SEMA5A: variants seen among roughly 807,000 people sequenced by gnomAD.
SEMA5A encodes the protein semaphorin-5A.
Under a neutral mutation model 135.5 loss-of-function variants are expected in SEMA5A, and 55 were observed. The observed-to-expected ratio is 0.41, with a 90% CI of 0.33 to 0.51. The LOEUF (loss-of-function observed/expected upper bound fraction) is 0.51, where lower values mean the gene tolerates loss of function less well. Ranked by LOEUF, SEMA5A falls within the 20% of genes least tolerant of loss-of-function variation. The probability of loss-of-function intolerance (pLI) is 0.37; values close to 1 mark genes in which losing one functional copy is unlikely to be tolerated. For missense variants in SEMA5A, 1,290 were observed against 1,419.9 expected, an observed-to-expected ratio of 0.91 and a Z score of 1.47; for synonymous variants, 580 against 546.5, an observed-to-expected ratio of 1.06 and a Z score of -0.85.
intron 10 of SEMA5A, among the ~76,000 whole-genome samples, chr5:9,194,361 G>A (rs1035391078): frequency 1.3e-5 from 2 of 152,140 alleles, no homozygotes; most frequent in Non-Finnish European, 2.9e-5. Flanking sequence ...ATCCAATTCT[G>A]CTTTCTGCTT....
In SEMA5A at chr5:9,318,394, A is replaced by G. The variant is rs746290525; in HGVS notation, c.248T>C (p.Leu83Pro). 6.2e-7 allele frequency: 1 copy of G among 1,612,778 alleles called. No individual in the cohort carries two copies. ...TACCTGGATAAGAGACAGATCCTCA[A>G]GCTGTAACCTGAAGAGGTAGTTTCT... ...GARNYLFRLQ[L>P]EDLSLIQAVE... The change falls in exon 5 of 23, where the codon CTT becomes CCT. Residue 83 changes from leucine to proline, a missense_variant. Physicochemically the swap from Leu to Pro is moderately conservative, Grantham distance 98 (BLOSUM62 -3). Coordinates refer to ENST00000382496, the MANE Select transcript of SEMA5A (RefSeq NM_003966.3).
intron 13 of SEMA5A, among the ~76,000 whole-genome samples, chr5:9,128,870 T>A (rs537730674): frequency 3.0e-4 from 45 of 152,240 alleles, no homozygotes; most frequent in African/African-American, 9.9e-4. Context: ...GCCATGTGCA[T>A]AACAGGATGT....
chr5:9,309,203 C>T (rs779491498), intron 5 of SEMA5A, among the ~76,000 whole-genome samples: 5 of 152,070 alleles, frequency 3.3e-5, no homozygotes, highest in Non-Finnish European at 7.4e-5. Flanking sequence ...AAGTGGCTTG[C>T]TCAAAGTATT....
intron 15 of SEMA5A, among the ~76,000 whole-genome samples, chr5:9,116,787 G>A (rs922034370): frequency 2.6e-5 from 4 of 152,082 alleles, no homozygotes; most frequent in African/African-American, 9.7e-5. Flanking sequence ...CTTCAATCTT[G>A]AGCTTAGTCC....
At chr5:9,460,303 A>G (rs1759006814) in intron 1 of SEMA5A, among the ~76,000 whole-genome samples, 1 of 152,220 alleles carries the variant, frequency 6.6e-6, no homozygotes, top group Admixed American at 6.5e-5. Context: ...TCACAGAAAT[A>G]CATTTAATAT....
intron 3 of SEMA5A, among the ~76,000 whole-genome samples, chr5:9,372,301 C>T (rs1371360714): frequency 6.6e-6 from 1 of 152,214 alleles, no homozygotes; most frequent in African/African-American, 2.4e-5. Context: ...CAGCCAAATC[C>T]CAGAGAAGAA....
intron 4 of SEMA5A, among the ~76,000 whole-genome samples, chr5:9,328,800 G>A (rs1269985521): frequency 6.6e-6 from 1 of 152,096 alleles, no homozygotes; most frequent in African/African-American, 2.4e-5. Context: ...AAAGATTCTG[G>A]CATTACTTCC....
intron 5 of SEMA5A, among the ~76,000 whole-genome samples, chr5:9,284,319 A>T (rs1750689336): frequency 6.6e-6 from 1 of 152,238 alleles, no homozygotes; most frequent in African/African-American, 2.4e-5. Flanking sequence ...ACTATAAAAC[A>T]GTAGCTAATA....
chr5:9,379,688 C>T, intron 3 of SEMA5A, 135 bp downstream of exon 3: 2 of 1,114,088 alleles, frequency 1.8e-6, no homozygotes, highest in East Asian at 2.5e-5. Context: ...GTAGTTTTAC[C>T]TTTATTTTAA....
chr5:9,180,660 G>A (rs987240831), intron 11 of SEMA5A, among the ~76,000 whole-genome samples: 2 of 152,128 alleles, frequency 1.3e-5, no homozygotes, highest in Admixed American at 6.5e-5. Flanking sequence ...ACCCAGAAGG[G>A]TATCCTTGGG....
intron 14 of SEMA5A, among the ~76,000 whole-genome samples, chr5:9,121,094 A>C (rs1194111882): frequency 2.0e-5 from 3 of 152,170 alleles, no homozygotes. Context: ...GTGGAATTTT[A>C]TGACATATTC....
At chr5:9,329,476 G>C (rs993404242) in intron 4 of SEMA5A, among the ~76,000 whole-genome samples, 16 of 152,240 alleles carry the variant, frequency 1.1e-4, no homozygotes, top group African/African-American at 3.6e-4. Flanking sequence ...ATCAGGTAGA[G>C]AAGATGCTTC....
Position 9,374,621 on chromosome 5 carries a change from TCGTGTG to T in SEMA5A, c.124+5196_124+5201del, listed in dbSNP as rs980340842. Among the ~76,000 whole-genome samples, 41 of 111,336 alleles carry T rather than the reference TCGTGTG, an allele frequency of 3.7e-4. No homozygotes were observed. The South Asian group carries it at 6.9e-3, about 19-fold the overall frequency. The allele number at this position is 111,336 out of a possible 152,430, so 73.0% of individuals were successfully genotyped here. A position where few individuals can be genotyped will look rare whatever the true frequency, so the allele number is the denominator to read the frequency against. On this transcript the variant is annotated intron_variant, in intron 3 of 22. Coordinates refer to ENST00000382496, the MANE Select transcript of SEMA5A (RefSeq NM_003966.3). ...ACTGGGTGCATAACATCACAAGACA[TCGTGTG>T]TGTGTGTGTGTGTGTGTGTGTGTGT...
At chr5:9,506,433 A>G (rs1735883090) in intron 1 of SEMA5A, among the ~76,000 whole-genome samples, 1 of 152,222 alleles carries the variant, frequency 6.6e-6, no homozygotes, top group African/African-American at 2.4e-5. Flanking sequence ...TTGGGCTGCA[A>G]GTAACTATCC....
chr5:9,217,909 A>C (rs972712576), intron 8 of SEMA5A, among the ~76,000 whole-genome samples: 2 of 151,968 alleles, frequency 1.3e-5, no homozygotes, highest in African/African-American at 2.4e-5. Flanking sequence ...TATAATCCTT[A>C]TTTTCCTTGG....
chr5:9,079,007 C>T (rs1738225232), intron 16 of SEMA5A, among the ~76,000 whole-genome samples: 1 of 151,882 alleles, frequency 6.6e-6, no homozygotes, highest in African/African-American at 2.4e-5. Flanking sequence ...AATATAAATA[C>T]AGAAACTATA....
At chr5:9,460,702 T>G (rs1759023849) in intron 1 of SEMA5A, among the ~76,000 whole-genome samples, 1 of 152,188 alleles carries the variant, frequency 6.6e-6, no homozygotes, top group African/African-American at 2.4e-5. Context: ...CCAATTTCCA[T>G]TTTTGAACTC....
chr5:9,125,530 G>A (rs988872189), intron 13 of SEMA5A, among the ~76,000 whole-genome samples: 1 of 152,090 alleles, frequency 6.6e-6, no homozygotes, highest in Non-Finnish European at 1.5e-5. Flanking sequence ...AATGTGTGAT[G>A]TTGCCCTCCC....
rs956307543 is a variant in SEMA5A at position 9,040,446 on chromosome 5, C to T, written c.*2451G>A. On this transcript the variant is annotated 3_prime_UTR_variant, in exon 23 of 23. Coordinates refer to ENST00000382496, the MANE Select transcript of SEMA5A (RefSeq NM_003966.3). ...GGAGTACAGAGCCAGAACATGTGAA[C>T]GGTAGCTACACAGTGATGGACAAAC... The T allele has an allele frequency of 2.0e-5, 3 of 152,146 alleles. No individual in the cohort carries two copies. Among genetic ancestry groups the T allele is most frequent in the African/African-American group, 4.8e-5 (2 of 41,430 alleles). The allele number at this position is 152,146 out of a possible 1,614,324, so 9.4% of individuals were successfully genotyped here.
Sources: allele counts gnomAD v4.1 joint callset (sites outside exome capture counted in the v4.1 genomes callset), GRCh38; gene constraint gnomAD v4.1.1; transcripts MANE v1.5; gene names NCBI Gene and HGNC (gene_info 2026-07-23, HGNC 2026-07-21).